The following SLC6A4 variants were observed in gnomAD, a reference collection of about 807,000 sequenced individuals.
The protein encoded by SLC6A4 is sodium-dependent serotonin transporter.
Under a neutral mutation model 73.4 loss-of-function variants are expected in SLC6A4, and 22 were observed. The ratio of observed to expected loss-of-function variants is 0.30; its 90% confidence interval spans 0.21 to 0.43. SLC6A4 has a LOEUF of 0.43. SLC6A4 is among the 20% of genes least tolerant of loss of function. SLC6A4 has a pLI of 1.00. For synonymous variants in SLC6A4, 270 were observed against 315.5 expected, an observed-to-expected ratio of 0.86 and a Z score of 1.53; for missense variants, 593 against 808.5, an observed-to-expected ratio of 0.73 and a Z score of 3.23.
chr17:30,219,232 G>A (rs190269236), intron 3 of SLC6A4, among the ~76,000 whole-genome samples: 38 of 152,246 alleles, frequency 2.5e-4, no homozygotes, highest in African/African-American at 8.4e-4. Flanking sequence ...GGAGAACGCT[G>A]GGCCACTTCC....
At chr17:30,233,160 G>A (rs1408911570) in intron 1 of SLC6A4, among the ~76,000 whole-genome samples, 2 of 152,172 alleles carry the variant, frequency 1.3e-5, no homozygotes. Context: ...AGAAACAGGC[G>A]CTTTTATGAG....
At chr17:30,218,436 G>C (rs766646622) in intron 4 of SLC6A4, 99 bp from the exon 5 acceptor site, 57 of 916,450 alleles carry the variant, frequency 6.2e-5, no homozygotes, top group Non-Finnish European at 9.1e-5. Flanking sequence ...CAGCCCAGCA[G>C]AGGGGTACAC....
intron 1 of SLC6A4, among the ~76,000 whole-genome samples, chr17:30,224,654 A>G (rs577517977): frequency 6.6e-6 from 1 of 152,280 alleles, no homozygotes; most frequent in African/African-American, 2.4e-5. Flanking sequence ...TACGGAAGGG[A>G]AATGCGGTCC....
In SLC6A4 at chr17:30,198,338, C is replaced by T. The variant is rs1301074928; in HGVS notation, c.*118G>A. ...CCAGACTGTGTCCCTGTGGAGAAGG[C>T]CCTTCCATCATCAGGCTTAGCTGGA... On this transcript the variant is annotated 3_prime_UTR_variant, in exon 15 of 15. Coordinates refer to ENST00000650711, the MANE Select transcript of SLC6A4 (RefSeq NM_001045.6). 9.5e-6 allele frequency: 6 copies of T among 634,330 alleles called. No homozygotes were observed. The Admixed American group carries it at 1.2e-4, about 12-fold the overall frequency. The allele number at this position is 634,330 out of a possible 1,614,324, so 39.3% of individuals were successfully genotyped here.
At chr17:30,223,063 T>C (rs1906820575) in intron 1 of SLC6A4, 148 bp from the exon 2 acceptor site, 2 of 362,658 alleles carry the variant, frequency 5.5e-6, no homozygotes, top group Non-Finnish European at 1.1e-5. Flanking sequence ...CAGCTCTGGC[T>C]TGAGGTCTGA....
rs200163391 is a variant in SLC6A4, at chr17:30,195,631, C to T, written c.*2825G>A. ...CACCTGTCTTTAGCGCTCTCAATAA[C>T]AGAGAAATTAGCTTGGTCCCCAGGT... On this transcript the variant is annotated 3_prime_UTR_variant, in exon 15 of 15. Coordinates refer to ENST00000650711, the MANE Select transcript of SLC6A4 (RefSeq NM_001045.6). 1.3e-5 allele frequency: 2 copies of T among 152,084 alleles called. No individual in the cohort carries two copies. Among genetic ancestry groups the T allele is most frequent in the Non-Finnish European group, 2.9e-5 (2 of 68,022 alleles). 9.4% of individuals were successfully genotyped at this position (152,084 alleles called of 1,614,324 possible).
intron 2 of SLC6A4, 103 bp downstream of exon 2, chr17:30,222,716 T>G: frequency 5.6e-5 from 59 of 1,050,498 alleles, no homozygotes; most frequent in Non-Finnish European, 7.0e-5. Context: ...GGGGCAGATT[T>G]GAGCTGCCTC....
At chr17:30,209,278 C>A in intron 11 of SLC6A4, 36 bp from the exon 12 acceptor site, 1 of 1,318,952 alleles carries the variant, frequency 7.6e-7, no homozygotes, top group Non-Finnish European at 1.1e-6. Flanking sequence ...GAGGGCCCTC[C>A]AAGGAGCCAC....
At chr17:30,223,090 T>C (rs1179143201) in intron 1 of SLC6A4, among the ~76,000 whole-genome samples, 175 bp from the exon 2 acceptor site, 3 of 152,012 alleles carry the variant, frequency 2.0e-5, no homozygotes, top group African/African-American at 7.3e-5. Flanking sequence ...AAACGTGGGG[T>C]AGAAATTTGA....
chr17:30,211,452 T>C lies in SLC6A4; in HGVS notation c.1205-28A>G. ...GAGACAGAGGGGAGAGAGGAGGAGG[T>C]GGTTGACAAGACCTGTCCTACAAAG... On this transcript the variant is annotated intron_variant, in intron 9 of 14. Coordinates refer to ENST00000650711, the MANE Select transcript of SLC6A4 (RefSeq NM_001045.6). This position sits in a 1 kb window ranked among gnomAD's most constrained non-coding sequence, Gnocchi z 4.0. 7.0e-7 allele frequency: 1 copy of C among 1,437,140 alleles called. No homozygotes were observed. Among genetic ancestry groups the C allele is most frequent in the Non-Finnish European group, 9.8e-7 (1 of 1,020,006 alleles). The allele number at this position is 1,437,140 out of a possible 1,614,324, so 89.0% of individuals were successfully genotyped here. A position where few individuals can be genotyped will look rare whatever the true frequency, so the allele number is the denominator to read the frequency against.
At chr17:30,228,038 T>C (rs577450345) in intron 1 of SLC6A4, among the ~76,000 whole-genome samples, 83 of 152,328 alleles carry the variant, frequency 5.4e-4, no homozygotes, top group African/African-American at 1.9e-3. Context: ...AAGAAATGAA[T>C]TTAGCATAGC....
chr17:30,224,014 C>A (rs1906851988), intron 1 of SLC6A4, among the ~76,000 whole-genome samples: 1 of 152,146 alleles, frequency 6.6e-6, no homozygotes, highest in African/African-American at 2.4e-5. Flanking sequence ...CTAAATTAAA[C>A]CTGAACTTGG....
intron 8 of SLC6A4, 48 bp from the exon 9 acceptor site, chr17:30,212,915 G>A (rs201335756): frequency 5.6e-6 from 9 of 1,606,598 alleles, no homozygotes; most frequent in Admixed American, 1.7e-5. Flanking sequence ...CCAAGATCAG[G>A]GGTCTAAGGA....
chr17:30,216,124 G>A lies in SLC6A4; in HGVS notation c.930C>T (p.Leu310=). 1 of 1,613,486 alleles carries A rather than the reference G, an allele frequency of 6.2e-7. No individual in the cohort carries two copies. Among genetic ancestry groups the A allele is most frequent in the Non-Finnish European group, 8.5e-7 (1 of 1,179,788 alleles). Residue 310 remains leucine (L), a synonymous_variant, in exon 7 of 15, where the codon CTC becomes CTT. Transcript: ENST00000650711. ...ATLPGAWRGV[L]FYLKPNWQKL... ...TCTGCCAATTGGGTTTCAAGTAGAA[G>A]AGAACACCCCTCCAGGCTCCAGGGA... is the stretch of plus-strand genomic sequence containing the variant.
rs1906391132 is a variant in SLC6A4, at chr17:30,211,708, G to A, written c.1205-284C>T. On this transcript the variant is annotated intron_variant, in intron 9 of 14. Transcript: ENST00000650711. The surrounding 1 kb of genome is among the most constrained non-coding windows in gnomAD (Gnocchi z 4.0). The stretch of plus-strand genomic sequence containing the variant: ...GATCCAAGACCCAGAGACTGGCAAA[G>A]CTGCACATGAGAATAAGAGTTTCCA... 6.6e-6 allele frequency among the ~76,000 whole-genome samples: 1 copy of A among 152,192 alleles called. No individual in the cohort carries two copies. Among genetic ancestry groups the A allele is most frequent in the Non-Finnish European group, 1.5e-5 (1 of 68,034 alleles).
At chr17:30,216,372 G>A (rs191545188) in intron 6 of SLC6A4, among the ~76,000 whole-genome samples, 156 bp from the exon 7 acceptor site, 1 of 152,172 alleles carries the variant, frequency 6.6e-6, no homozygotes, top group African/African-American at 2.4e-5. Context: ...AAAGGAGGGC[G>A]AGGTGGTGTG....
At chr17:30,204,357 C>T (rs753409123) in intron 13 of SLC6A4, 1 of 151,982 alleles carries the variant, frequency 6.6e-6, no homozygotes, top group Non-Finnish European at 1.5e-5. Context: ...CATCCATCTT[C>T]TGAGCGGTGC....
rs572095485 is a variant in SLC6A4 at position 30,202,339 on chromosome 17, G to A, written c.1818+833C>T. On this transcript the variant is annotated intron_variant, in intron 14 of 14. Transcript: ENST00000650711. ...AGGATTTCACCATGTTGGCCAGGCTGGTCTTGAACTCCTGACCTCAGGTGA... is the reference window on the plus strand; with the variant it reads ...AGGATTTCACCATGTTGGCCAGGCTAGTCTTGAACTCCTGACCTCAGGTGA... Among the ~76,000 whole-genome samples, 7 of 152,258 alleles carry A rather than the reference G, an allele frequency of 4.6e-5. No individual in the cohort carries two copies. The South Asian group carries it at 1.4e-3, about 32-fold the overall frequency.
Position 30,198,659 on chromosome 17 carries a change from T to C in SLC6A4, c.1819-129A>G, listed in dbSNP as rs9913038. On this transcript the variant is annotated intron_variant, in intron 14 of 14. Transcript: ENST00000650711. ...AACATCTAAGAGCGAGTTGGAATAG[T>C]CTCACTGACATTCCTTAGGAAAAGA... The C allele has an allele frequency of 1.3e-3, 716 of 558,530 alleles. 4 individuals carry two copies. The highest frequency in any genetic ancestry group is 0.012 in the African/African-American group (648 of 52,114). 34.6% of individuals were successfully genotyped at this position (558,530 alleles called of 1,614,324 possible).
Sources: gnomAD v4.1 joint callset for allele counts (sites outside exome capture counted in the v4.1 genomes callset) on GRCh38, gnomAD v4.1.1 for gene constraint, Gnocchi (gnomAD v3.1) non-coding constraint, MANE v1.5 for transcripts, NCBI Gene and HGNC (gene_info 2026-07-23, HGNC 2026-07-21) for gene names.